The following L3MBTL1 variants were observed in gnomAD, a reference collection of about 807,000 sequenced individuals.
L3MBTL1 encodes the protein lethal(3)malignant brain tumor-like protein 1.
L3MBTL1 carries 75 observed loss-of-function variants against 105.3 expected under a neutral mutation model. The ratio of observed to expected loss-of-function variants is 0.71; its 90% CI spans 0.59 to 0.86. The LOEUF is 0.86. L3MBTL1 is among the 40% of genes least tolerant of loss of function. The pLI is 0.00. For synonymous variants in L3MBTL1, 452 were observed against 436.2 expected, an observed-to-expected ratio of 1.04 and a Z score of -0.45; for missense variants, 1,069 against 1,126.4, an observed-to-expected ratio of 0.95 and a Z score of 0.73.
At position 43,535,894 on chromosome 20, in the gene L3MBTL1, G is replaced by C. The variant is rs1325684033; in HGVS notation, c.1883G>C (p.Ser628Thr). Residue 628 changes from serine to threonine, a missense_variant, in exon 17 of 22, where the codon AGC (serine) becomes ACC (threonine). By Grantham distance (58) the Ser-to-Thr change is moderately conservative. Transcript: ENST00000418998. ...GGCTGTCCCCCTCTCAGCTATAGGA[G>C]CCTGCCCCACACTAGGACCTCCAAA... ...PGGCPPLSYR[S>T]LPHTRTSKYS... 1.9e-6 allele frequency: 3 copies of C among 1,613,448 alleles called. No individual in the cohort carries two copies. The highest frequency in any genetic ancestry group is 2.2e-5 in the East Asian group (1 of 44,874).
At chr20:43,522,150 A>T (rs2018742755) in intron 7 of L3MBTL1, among the ~76,000 whole-genome samples, 2 of 152,008 alleles carry the variant, frequency 1.3e-5, no homozygotes. Flanking sequence ...AGGTCAGGAG[A>T]TTGAGACCAT....
At chr20:43,532,566 C>A in intron 11 of L3MBTL1, 1 of 543,400 alleles carries the variant, frequency 1.8e-6, no homozygotes, top group Non-Finnish European at 3.2e-6. Flanking sequence ...CTGAGTGCAC[C>A]TTGGAGGCCA....
intron 18 of L3MBTL1, among the ~76,000 whole-genome samples, chr20:43,547,173 C>T (rs8117948): frequency 0.15 from 22,066 of 147,178 alleles, 1,661 homozygotes; most frequent in South Asian, 0.21. Context: ...GGCGCGATCT[C>T]GGCTCACTGC....
At chr20:43,528,315 G>T (rs958697167) in intron 7 of L3MBTL1, among the ~76,000 whole-genome samples, 6 of 152,168 alleles carry the variant, frequency 3.9e-5, no homozygotes, top group African/African-American at 1.4e-4. Context: ...CTCTGGCACA[G>T]GACTTGTCAC....
chr20:43,522,969 A>T (rs1262418521), intron 7 of L3MBTL1, among the ~76,000 whole-genome samples: 1 of 151,244 alleles, frequency 6.6e-6, no homozygotes, highest in Non-Finnish European at 1.5e-5. Context: ...TTAGCTGGGC[A>T]TGGTGGTGCA....
At chr20:43,514,355 C>A in intron 3 of L3MBTL1, 1 of 1,260,004 alleles carries the variant, frequency 7.9e-7, no homozygotes, top group Non-Finnish European at 1.1e-6. Context: ...AGTTTGGGGG[C>A]GTGGCTTAGA....
chr20:43,514,254 G>A (rs1329794603), intron 3 of L3MBTL1, among the ~76,000 whole-genome samples, 193 bp downstream of exon 3: 1 of 152,100 alleles, frequency 6.6e-6, no homozygotes, highest in African/African-American at 2.4e-5. Flanking sequence ...GGGACTATGG[G>A]GGCGTGGCTT....
intron 9 of L3MBTL1, among the ~76,000 whole-genome samples, 154 bp downstream of exon 9, chr20:43,529,522 C>T (rs2019215700): frequency 6.6e-6 from 1 of 152,124 alleles, no homozygotes; most frequent in Non-Finnish European, 1.5e-5. Context: ...CTTAAAACAA[C>T]AAAAACCAGA....
chr20:43,524,943 A>C, intron 7 of L3MBTL1, among the ~76,000 whole-genome samples: 1 of 152,112 alleles, frequency 6.6e-6, no homozygotes, highest in East Asian at 1.9e-4. Flanking sequence ...GAAAATAAAC[A>C]CGTTTTTTCA....
chr20:43,537,915 C>T (rs2019713709), intron 19 of L3MBTL1, among the ~76,000 whole-genome samples: 2 of 152,168 alleles, frequency 1.3e-5, no homozygotes, highest in South Asian at 4.1e-4. Context: ...GGTGACACTC[C>T]TCTCTGAGCC....
At chr20:43,539,990 A>C in intron 19 of L3MBTL1, 161 bp from the exon 20 acceptor site, 3 of 745,318 alleles carry the variant, frequency 4.0e-6, no homozygotes, top group Middle Eastern at 2.6e-4. Context: ...GTGAGGAGTC[A>C]GGAGATACGG....
At position 43,514,653 on chromosome 20, in the gene L3MBTL1, A is replaced by G; in HGVS notation, c.379A>G (p.Lys127Glu). 1 of 1,597,176 alleles carries G rather than the reference A, an allele frequency of 6.3e-7. No individual in the cohort carries two copies. The highest frequency in any genetic ancestry group is 2.3e-5 in the East Asian group (1 of 44,198). Residue 127 changes from lysine (K) to glutamate (E), a missense_variant, in exon 4 of 22, where the codon AAG becomes GAG. Transcript: ENST00000418998. ...GGLRFRISEY[K>E]PLNMAGVEQP... is the part of the protein sequence containing the mutation. ...GCTCCAGTTCCGGATAAGCGAGTAT[A>G]AGCCGCTGAACATGGCGGGAGTGGA...
At chr20:43,513,670 G>A in intron 2 of L3MBTL1, 31 bp downstream of exon 2, 1 of 1,550,556 alleles carries the variant, frequency 6.4e-7, no homozygotes, top group Non-Finnish European at 8.7e-7. Flanking sequence ...AGTCTGGGAA[G>A]GAAGAGCATC....
At chr20:43,550,378 T>C (rs1164581307) in exon 19 of L3MBTL1, 1 of 152,226 alleles carries the variant, frequency 6.6e-6, no homozygotes, top group Non-Finnish European at 1.5e-5. Flanking sequence ...CCAAGGGCCT[T>C]GGAGAAAAGG....
At chr20:43,543,719 C>T (rs1047718257), downstream of L3MBTL1, among the ~76,000 whole-genome samples, 16 of 152,178 alleles carry the variant, frequency 1.1e-4, no homozygotes, top group African/African-American at 3.9e-4. Flanking sequence ...TCAAGATGCT[C>T]TCCATCTGGG....
intron 9 of L3MBTL1, 106 bp from the exon 10 acceptor site, chr20:43,530,178 A>G (rs2019254317): frequency 1.7e-5 from 24 of 1,408,682 alleles, no homozygotes; most frequent in Non-Finnish European, 2.3e-5. Context: ...GGAACCTGCT[A>G]GCATTAGAGC....
At chr20:43,521,988 T>C (rs1366400058) in intron 7 of L3MBTL1, among the ~76,000 whole-genome samples, 1 of 152,246 alleles carries the variant, frequency 6.6e-6, no homozygotes, top group Non-Finnish European at 1.5e-5. Context: ...ACACTGTTCC[T>C]CTGAGCACAG....
In L3MBTL1 at chr20:43,535,919, A is replaced by G. The variant is rs756609528; in HGVS notation, c.1908A>G (p.Lys636=). 50 of 1,613,332 alleles carry G rather than the reference A, an allele frequency of 3.1e-5. No individual in the cohort carries two copies. Among genetic ancestry groups the G allele is most frequent in the Non-Finnish European group, 4.2e-5 (49 of 1,179,602 alleles). ...YRSLPHTRTS[K]YSFHHRKCPT... Reference sequence around the variant, plus strand: ...GCCTGCCCCACACTAGGACCTCCAAATACAGCTTTCACCACCGGTGAGTGA... The same window carrying G: ...GCCTGCCCCACACTAGGACCTCCAAGTACAGCTTTCACCACCGGTGAGTGA... The change falls in exon 17 of 22, where the codon AAA becomes AAG. Residue 636 remains lysine, a synonymous_variant. Coordinates refer to ENST00000418998, the MANE Select transcript of L3MBTL1 (RefSeq NM_001377303.1).
chr20:43,528,721 T>A lies in L3MBTL1; in HGVS notation c.927T>A (p.Thr309=). ...ESYLEEQKAI[T]APVSLFQDSQ... Reference sequence around the variant, plus strand: ...ACCTAGAGGAGCAGAAGGCCATTACTGCTCCAGTCAGCCTCTTCCAGGACG... The same window carrying A: ...ACCTAGAGGAGCAGAAGGCCATTACAGCTCCAGTCAGCCTCTTCCAGGACG... The change falls in exon 8 of 22, where the codon ACT becomes ACA. Residue 309 remains threonine (T), a synonymous_variant. Transcript: ENST00000418998. 1.2e-6 allele frequency: 2 copies of A among 1,614,024 alleles called. No homozygotes were observed. The highest frequency in any genetic ancestry group is 1.1e-5 in the South Asian group (1 of 91,066).
Sources: allele counts gnomAD v4.1 joint callset (sites outside exome capture counted in the v4.1 genomes callset), GRCh38; gene constraint gnomAD v4.1.1; transcripts MANE v1.5; gene names NCBI Gene and HGNC (gene_info 2026-07-23, HGNC 2026-07-21).